Variants in ANKRD10 observed in about 807,000 individuals in gnomAD.
The protein encoded by ANKRD10 is ankyrin repeat domain 10, also known as ankyrin repeat domain-containing protein 10.
In ANKRD10, 14 loss-of-function variants were observed where a neutral mutation model predicts 27.0. That is an observed-to-expected ratio of 0.52 (90% CI 0.34 to 0.81). ANKRD10 has a LOEUF of 0.81. ANKRD10 is among the 40% of genes least tolerant of loss of function. The pLI is 0.01. For synonymous variants in ANKRD10, 250 were observed against 224.5 expected, an observed-to-expected ratio of 1.11 and a Z score of -1.01; for missense variants, 493 against 544.0, an observed-to-expected ratio of 0.91 and a Z score of 0.93.
rs147843167 is a variant in ANKRD10, at chr13:110,887,793, C to A, written c.692-4000G>T. The stretch of plus-strand genomic sequence containing the variant: ...GTGTGGAAGGGTCCCAGGTGTTGAC[C>A]CATAACCCTTGAGAGGTGGCCAAAT... On this transcript the variant is annotated intron_variant, in intron 4 of 5. Transcript: ENST00000267339. Among the ~76,000 whole-genome samples the A allele has an allele frequency of 3.2e-3, 481 of 152,230 alleles. 3 individuals carry two copies. The highest frequency in any genetic ancestry group is 0.011 in the African/African-American group (469 of 41,536).
intron 4 of ANKRD10, among the ~76,000 whole-genome samples, chr13:110,891,818 C>G (rs927392584): frequency 1.3e-5 from 2 of 151,594 alleles, no homozygotes; most frequent in African/African-American, 4.9e-5. Context: ...ACCTCTCCCC[C>G]TAAGTTCACT....
At chr13:110,898,832 C>A (rs188721731) in intron 3 of ANKRD10, among the ~76,000 whole-genome samples, 4 of 150,798 alleles carry the variant, frequency 2.7e-5, no homozygotes, top group Admixed American at 2.6e-4. Flanking sequence ...CTCGGCTCAC[C>A]GCAACCTCTG....
intron 3 of ANKRD10, chr13:110,900,463 T>C (rs1425657786): frequency 1.8e-6 from 2 of 1,130,990 alleles, no homozygotes; most frequent in Non-Finnish European, 2.2e-6. Context: ...AAGCAAAGCA[T>C]GCAAATCTAA....
chr13:110,889,675 ACATT>A (rs1481025437), intron 4 of ANKRD10, among the ~76,000 whole-genome samples: 2 of 152,258 alleles, frequency 1.3e-5, no homozygotes, highest in Non-Finnish European at 2.9e-5. Flanking sequence ...AGAATGGTTA[ACATT>A]CAGACTCAGG....
At chr13:110,902,071 AGAG>A (rs1337367150) in intron 3 of ANKRD10, among the ~76,000 whole-genome samples, 5 of 146,724 alleles carry the variant, frequency 3.4e-5, no homozygotes, top group Non-Finnish European at 3.0e-5. Context: ...AAAAAAAAAA[AGAG>A]GAGGCAAAAG....
chr13:110,883,885 G>A, intron 4 of ANKRD10, 92 bp from the exon 5 acceptor site: 1 of 1,184,844 alleles, frequency 8.4e-7, no homozygotes, highest in Non-Finnish European at 1.2e-6. Flanking sequence ...TGTGAGCACT[G>A]AACACTTTAA....
At chr13:110,913,780 G>C (rs2065792116) in intron 1 of ANKRD10, among the ~76,000 whole-genome samples, 2 of 152,088 alleles carry the variant, frequency 1.3e-5, no homozygotes, top group Non-Finnish European at 2.9e-5. Flanking sequence ...ACACATCCCT[G>C]AATTTCAGTG....
At position 110,894,068 on chromosome 13, in the gene ANKRD10, T is replaced by G. The variant is rs766639508; in HGVS notation, c.456-805A>C. On this transcript the variant is annotated intron_variant, in intron 3 of 5. Coordinates refer to ENST00000267339, the MANE Select transcript of ANKRD10 (RefSeq NM_017664.4). The stretch of plus-strand genomic sequence containing the variant: ...AAGTAGGAAGTGATGGCAGAGTAAG[T>G]GAAAGAGCTGAATAAAATAGAGTAA... The G allele has an allele frequency of 2.1e-5, 30 of 1,396,152 alleles. 1 individual carries two copies. In the South Asian group the frequency reaches 3.4e-4, roughly 16 times the overall value. The allele number at this position is 1,396,152 out of a possible 1,614,324, so 86.5% of individuals were successfully genotyped here.
intron 4 of ANKRD10, among the ~76,000 whole-genome samples, chr13:110,891,147 T>C (rs1267047067): frequency 6.6e-6 from 1 of 152,186 alleles, no homozygotes; most frequent in East Asian, 1.9e-4. Context: ...GCATAAATCA[T>C]TTTTCAAGGA....
chr13:110,911,953 T>C (rs571203573), intron 1 of ANKRD10, among the ~76,000 whole-genome samples: 1 of 152,290 alleles, frequency 6.6e-6, no homozygotes, highest in South Asian at 2.1e-4. Context: ...TTTTTTACTC[T>C]TTTCAAAACC....
intron 4 of ANKRD10, 138 bp downstream of exon 4, chr13:110,892,890 C>A (rs1474525643): frequency 1.4e-6 from 2 of 1,444,294 alleles, no homozygotes; most frequent in African/African-American, 1.4e-5. Context: ...GAAATCTCCA[C>A]CGTCACCGCA....
Position 110,889,455 on chromosome 13 carries a change from C to T in ANKRD10, c.691+3573G>A, listed in dbSNP as rs150523849. ...TATGTCTTACGTTCTGACTAAACTG[C>T]ATTTGACACAGATGCAAATAATTTT... On this transcript the variant is annotated intron_variant, in intron 4 of 5. Coordinates refer to ENST00000267339, the MANE Select transcript of ANKRD10 (RefSeq NM_017664.4). 6.8e-4 allele frequency among the ~76,000 whole-genome samples: 103 copies of T among 152,280 alleles called. 1 individual carries two copies. The East Asian group carries it at 0.018, about 27-fold the overall frequency.
chr13:110,886,182 G>C (rs2064926457), intron 4 of ANKRD10, among the ~76,000 whole-genome samples: 1 of 152,246 alleles, frequency 6.6e-6, no homozygotes, highest in Non-Finnish European at 1.5e-5. Context: ...CCGCGTTAAG[G>C]GCAGCCCAGG....
At chr13:110,901,966 C>G (rs552203610) in intron 3 of ANKRD10, among the ~76,000 whole-genome samples, 267 of 149,632 alleles carry the variant, frequency 1.8e-3, no homozygotes, top group African/African-American at 6.3e-3. Context: ...TCACTGGAGC[C>G]CAGGAGTTTG....
At chr13:110,900,454 A>T in intron 3 of ANKRD10, 2 of 1,095,300 alleles carry the variant, frequency 1.8e-6, no homozygotes, top group Non-Finnish European at 1.1e-6. Context: ...AAATTAGGTA[A>T]GCAAAGCATG....
At chr13:110,913,156 T>C (rs976547669) in intron 1 of ANKRD10, among the ~76,000 whole-genome samples, 4 of 152,242 alleles carry the variant, frequency 2.6e-5, no homozygotes, top group Admixed American at 1.3e-4. Flanking sequence ...AGTGACCATC[T>C]GTAATGAGGC....
At position 110,892,898 on chromosome 13, in the gene ANKRD10, G is replaced by A. The variant is rs1045704105; in HGVS notation, c.691+130C>T. 3.8e-5 allele frequency: 56 copies of A among 1,458,558 alleles called. No individual in the cohort carries two copies. The East Asian group carries it at 9.9e-4, about 26-fold the overall frequency. 90.4% of individuals were successfully genotyped at this position (1,458,558 alleles called of 1,614,324 possible). On this transcript the variant is annotated intron_variant, in intron 4 of 5. Coordinates refer to ENST00000267339, the MANE Select transcript of ANKRD10 (RefSeq NM_017664.4). Reference sequence around the variant, plus strand: ...TACAGGAGAAATCTCCACCGTCACCGCACAATCCACCAGGCGCATTACCAC... The same window carrying A: ...TACAGGAGAAATCTCCACCGTCACCACACAATCCACCAGGCGCATTACCAC...
At chr13:110,890,258 G>A (rs1037306138) in intron 4 of ANKRD10, among the ~76,000 whole-genome samples, 3 of 152,084 alleles carry the variant, frequency 2.0e-5, no homozygotes, top group African/African-American at 7.2e-5. Flanking sequence ...ACAATTTCAT[G>A]TAGAACATTC....
chr13:110,887,840 G>C (rs1311653326), intron 4 of ANKRD10, among the ~76,000 whole-genome samples: 1 of 152,222 alleles, frequency 6.6e-6, no homozygotes, highest in Non-Finnish European at 1.5e-5. Flanking sequence ...CCTCCCGCCT[G>C]TGGCCTTTCC....
Sources: allele counts gnomAD v4.1 joint callset (sites outside exome capture counted in the v4.1 genomes callset), GRCh38; gene constraint gnomAD v4.1.1; transcripts MANE v1.5; gene names NCBI Gene and HGNC (gene_info 2026-07-23, HGNC 2026-07-21).